FARP2: variants seen among roughly 807,000 people sequenced by gnomAD.
FARP2 encodes FERM, ARHGEF and pleckstrin domain-containing protein 2.
Under a neutral mutation model 130.5 loss-of-function variants are expected in FARP2, and 111 were observed. The observed-to-expected ratio is 0.85, with a 90% CI of 0.73 to 1.00. The LOEUF (loss-of-function observed/expected upper bound fraction) is 1.00, where lower values mean the gene tolerates loss of function less well. Ranked by LOEUF, FARP2 falls within the 50% of genes least tolerant of loss-of-function variation. The pLI is 0.00. For synonymous variants in FARP2, 504 were observed against 516.9 expected (o/e 0.98, Z 0.34); for missense variants, 1,385 against 1,346.3 (o/e 1.03, Z -0.45).
At chr2:241,483,203 G>C (rs1003522138) in intron 19 of FARP2, among the ~76,000 whole-genome samples, 1 of 152,218 alleles carries the variant, frequency 6.6e-6, no homozygotes, top group African/African-American at 2.4e-5. Context: ...GGTTGTATCA[G>C]GGCTCCAGGG....
chr2:241,364,103 T>A (rs892222715), intron 1 of FARP2, among the ~76,000 whole-genome samples: 1 of 152,222 alleles, frequency 6.6e-6, no homozygotes, highest in Non-Finnish European at 1.5e-5. Context: ...ATTCGTTGTC[T>A]AGATTATCCA....
Position 241,403,924 on chromosome 2 carries a change from T to A in FARP2, c.280T>A (p.Ser94Thr), listed in dbSNP as rs2062261692. ...YFGMEFQNTQ[S>T]YWIWLEPMKP... ...CGGGATGGAGTTTCAAAATACTCAG[T>A]CCTACTGGGTAAGTGCTTATGACGT... The change falls in exon 3 of 27, where the codon TCC becomes ACC. Residue 94 changes from serine to threonine, a missense_variant. Coordinates refer to ENST00000264042, the MANE Select transcript of FARP2 (RefSeq NM_014808.4). 1 of 1,602,438 alleles carries A rather than the reference T, an allele frequency of 6.2e-7. No individual in the cohort carries two copies. Among genetic ancestry groups the A allele is most frequent in the Non-Finnish European group, 8.6e-7 (1 of 1,169,300 alleles).
intron 19 of FARP2, chr2:241,478,182 C>A: frequency 6.5e-6 from 1 of 153,902 alleles, no homozygotes. Context: ...CACCTATAGA[C>A]CCAGCTACTC....
At chr2:241,382,792 A>C (rs557475660) in intron 2 of FARP2, among the ~76,000 whole-genome samples, 2 of 152,186 alleles carry the variant, frequency 1.3e-5, no homozygotes, top group Admixed American at 1.3e-4. Flanking sequence ...TCATATTACA[A>C]TTTTTAGTAA....
intron 6 of FARP2, among the ~76,000 whole-genome samples, chr2:241,411,808 G>T (rs1311475276): frequency 6.6e-6 from 1 of 152,200 alleles, no homozygotes; most frequent in Admixed American, 6.5e-5. Flanking sequence ...GAATTAATAA[G>T]TATATAGGTT....
intron 24 of FARP2, 132 bp downstream of exon 24, chr2:241,491,811 C>A: frequency 1.2e-6 from 1 of 826,572 alleles, no homozygotes; most frequent in Non-Finnish European, 1.8e-6. Context: ...CTCTTACTCT[C>A]CCCTTGGTAG....
At chr2:241,402,964 C>G (rs73002181) in intron 2 of FARP2, among the ~76,000 whole-genome samples, 15,365 of 119,000 alleles carry the variant, frequency 0.13, 1,291 homozygotes, top group Non-Finnish European at 0.18. Context: ...CTCCTGTACT[C>G]AAGAAATTCT....
chr2:241,456,875 A>G lies in FARP2; in HGVS notation c.1540A>G (p.Ser514Gly), dbSNP rs779836683. ...GSSPLLSPVL[S>G]DAGGAGMDCE... ...ATCCCCACTCCTGAGCCCTGTCCTC[A>G]GTGATGCTGGCGGAGCCGGGATGGA... The change falls in exon 14 of 27, where the codon AGT (serine) becomes GGT (glycine). Residue 514 changes from serine (S) to glycine (G), a missense_variant. Transcript: ENST00000264042. 2 of 1,610,930 alleles carry G rather than the reference A, an allele frequency of 1.2e-6. No homozygotes were observed. The highest frequency in any genetic ancestry group is 1.3e-5 in the African/African-American group (1 of 74,870).
chr2:241,428,478 C>T (rs942748404), intron 8 of FARP2, among the ~76,000 whole-genome samples: 1 of 151,818 alleles, frequency 6.6e-6, no homozygotes, highest in African/African-American at 2.4e-5. Flanking sequence ...TCACAGGCGT[C>T]AGCCACAGCA....
intron 18 of FARP2, among the ~76,000 whole-genome samples, chr2:241,470,883 G>A (rs774013225): frequency 1.4e-4 from 21 of 151,266 alleles, no homozygotes; most frequent in Non-Finnish European, 2.8e-4. Context: ...GCAGGGGGAT[G>A]CTCTGAGAGG....
chr2:241,490,537 C>T (rs2064864942), intron 22 of FARP2, among the ~76,000 whole-genome samples: 1 of 152,192 alleles, frequency 6.6e-6, no homozygotes, highest in Admixed American at 6.5e-5. Context: ...GGAAACAGCT[C>T]CCTCCTCCCC....
Position 241,372,962 on chromosome 2 carries a change from C to T in FARP2, c.-24-122C>T, listed in dbSNP as rs76378789. On this transcript the variant is annotated intron_variant, in intron 1 of 26. Coordinates refer to ENST00000264042, the MANE Select transcript of FARP2 (RefSeq NM_014808.4). ...ACTTTCTTTTGACGTGATTAAGACTCACAGAAGTTGCAGTAATAGTACAGA... is the reference window on the plus strand; with the variant it reads ...ACTTTCTTTTGACGTGATTAAGACTTACAGAAGTTGCAGTAATAGTACAGA... The T allele has an allele frequency of 9.0e-3, 3,978 of 443,810 alleles. 20 individuals are homozygous for T. The highest frequency in any genetic ancestry group is 0.013 in the Non-Finnish European group (3,326 of 257,994). 27.5% of individuals were successfully genotyped at this position (443,810 alleles called of 1,614,324 possible). A position where few individuals can be genotyped will look rare whatever the true frequency, so the allele number is the denominator to read the frequency against.
At chr2:241,385,372 T>A (rs1219482931) in intron 2 of FARP2, among the ~76,000 whole-genome samples, 1 of 152,154 alleles carries the variant, frequency 6.6e-6, no homozygotes. Flanking sequence ...TTAGAAAATT[T>A]TTTAATATAT....
intron 1 of FARP2, among the ~76,000 whole-genome samples, chr2:241,371,120 G>A (rs904503643): frequency 6.6e-6 from 1 of 152,208 alleles, no homozygotes; most frequent in Non-Finnish European, 1.5e-5. Flanking sequence ...GTCTTTGTGG[G>A]TAAGGTTTAA....
intron 18 of FARP2, among the ~76,000 whole-genome samples, chr2:241,474,801 T>TAAATA (rs374193358): frequency 0.023 from 3,160 of 140,232 alleles, 274 homozygotes; most frequent in Admixed American, 0.15. Context: ...CTAATAATAA[T>TAAATA]AATAAATAAA....
intron 2 of FARP2, among the ~76,000 whole-genome samples, chr2:241,400,295 C>T (rs1362039045): frequency 1.3e-5 from 2 of 152,216 alleles, no homozygotes; most frequent in Admixed American, 6.5e-5. Context: ...GCTCCCACAA[C>T]AGCCGTCAGA....
Position 241,468,447 on chromosome 2 carries a change from AG to A in FARP2, c.2131+71del, listed in dbSNP as rs1427013336. On this transcript the variant is annotated intron_variant, in intron 18 of 26. Coordinates refer to ENST00000264042, the MANE Select transcript of FARP2 (RefSeq NM_014808.4). ...GCTGGGAGGCAGGGGCGGCTTTGCC[AG>A]ACCTGAAGACTTCCTTCACTGGGAA... The A allele has an allele frequency of 1.7e-5, 19 of 1,135,288 alleles. No homozygotes were observed. The East Asian group carries it at 4.6e-4, about 28-fold the overall frequency. 70.3% of individuals were successfully genotyped at this position (1,135,288 alleles called of 1,614,324 possible). A position where few individuals can be genotyped will look rare whatever the true frequency, so the allele number is the denominator to read the frequency against.
chr2:241,440,181 A>T (rs2063345495), intron 12 of FARP2, among the ~76,000 whole-genome samples: 1 of 152,216 alleles, frequency 6.6e-6, no homozygotes, highest in African/African-American at 2.4e-5. Flanking sequence ...ATATGGTAAC[A>T]CGTGCATGTG....
intron 2 of FARP2, among the ~76,000 whole-genome samples, chr2:241,398,004 T>C (rs1338778418): frequency 6.6e-6 from 1 of 151,772 alleles, no homozygotes; most frequent in Non-Finnish European, 1.5e-5. Flanking sequence ...TAATTTTTTT[T>C]GCATTTTTAG....
Sources: gnomAD v4.1 joint callset for allele counts (sites outside exome capture counted in the v4.1 genomes callset) on GRCh38, gnomAD v4.1.1 for gene constraint, MANE v1.5 for transcripts, NCBI Gene and HGNC (gene_info 2026-07-23, HGNC 2026-07-21) for gene names.